Variants in SOX5 observed in about 807,000 individuals in gnomAD.
The protein encoded by SOX5 is SRY-box transcription factor 5.
Under a neutral mutation model 92.0 loss-of-function variants are expected in SOX5, and 9 were observed. The ratio of observed to expected loss-of-function variants is 0.10; its 90% CI spans 0.06 to 0.17. The LOEUF is 0.17. Ranked by LOEUF, SOX5 falls within the 10% of genes least tolerant of loss-of-function variation. The pLI is 1.00. For missense variants in SOX5, 642 were observed against 944.5 expected (o/e 0.68, Z 4.20); for synonymous variants, 344 against 336.3 (o/e 1.02, Z -0.25).
intron 2 of SOX5, among the ~76,000 whole-genome samples, chr12:24,362,172 T>C (rs1422227642): frequency 6.6e-6 from 1 of 152,232 alleles, no homozygotes; most frequent in Non-Finnish European, 1.5e-5. Flanking sequence ...ATATGTATAT[T>C]CTTTCCCATG....
intron 2 of SOX5, among the ~76,000 whole-genome samples, chr12:24,280,119 T>G (rs1944983107): frequency 6.6e-6 from 1 of 152,200 alleles, no homozygotes; most frequent in Non-Finnish European, 1.5e-5. Context: ...TGGACTAATG[T>G]ACCCTAGTGT....
chr12:23,836,908 C>T (rs2096423597), intron 3 of SOX5, among the ~76,000 whole-genome samples: 1 of 151,772 alleles, frequency 6.6e-6, no homozygotes, highest in Non-Finnish European at 1.5e-5. Flanking sequence ...TGATGTTGTT[C>T]CCATTACAGA....
In SOX5 at chr12:23,742,940, G is replaced by A. The variant is rs928103869; in HGVS notation, c.569-1901C>T. Among the ~76,000 whole-genome samples, 3 of 131,408 alleles carry A rather than the reference G, an allele frequency of 2.3e-5. No individual in the cohort carries two copies. The Admixed American group carries it at 2.5e-4, about 11-fold the overall frequency. The allele number at this position is 131,408 out of a possible 152,430, so 86.2% of individuals were successfully genotyped here. A position where few individuals can be genotyped will look rare whatever the true frequency, so the allele number is the denominator to read the frequency against. ...GTCCAGGAATTTGAGGTTGCAGTGA[G>A]ATACACTGCCTAAAAAAAAAAAAAT... On this transcript the variant is annotated intron_variant, in intron 4 of 14. Transcript: ENST00000451604.
intron 4 of SOX5, among the ~76,000 whole-genome samples, chr12:24,053,542 C>G (rs540838277): frequency 4.9e-4 from 74 of 152,216 alleles, no homozygotes; most frequent in Admixed American, 1.9e-3. Context: ...AGAAGAGATC[C>G]TTAACTTTGC....
chr12:23,862,251 G>T (rs1389143429), intron 2 of SOX5, among the ~76,000 whole-genome samples: 1 of 152,146 alleles, frequency 6.6e-6, no homozygotes, highest in African/African-American at 2.4e-5. Context: ...GTCAGTGGAA[G>T]GGAAAAGCTG....
At chr12:23,613,406 C>T (rs776601572) in intron 8 of SOX5, among the ~76,000 whole-genome samples, 33 of 151,506 alleles carry the variant, frequency 2.2e-4, no homozygotes, top group Non-Finnish European at 4.4e-4. Context: ...TTGTATATCG[C>T]TGATGGGACT....
intron 4 of SOX5, among the ~76,000 whole-genome samples, chr12:23,751,553 G>A (rs2094181061): frequency 1.3e-5 from 2 of 151,898 alleles, no homozygotes; most frequent in Admixed American, 1.3e-4. Flanking sequence ...TCAAGCCACT[G>A]ACTGACTCTA....
Position 23,963,295 on chromosome 12 carries a change from A to G in SOX5, c.-1-67271T>C, listed in dbSNP as rs553517433. Reference sequence around the variant, plus strand: ...AGAATATAGGAAATGCTGCCTGAGCATTAGGCTAGTCATGAAAACTCAAAG... The same window carrying G: ...AGAATATAGGAAATGCTGCCTGAGCGTTAGGCTAGTCATGAAAACTCAAAG... On this transcript the variant is annotated intron_variant, in intron 4 of 4. Transcript: ENST00000446891. Among the ~76,000 whole-genome samples the G allele has an allele frequency of 1.7e-4, 26 of 152,330 alleles. 1 individual carries two copies. The East Asian group carries it at 2.9e-3, about 17-fold the overall frequency.
intron 13 of SOX5, among the ~76,000 whole-genome samples, chr12:23,540,536 T>A (rs930638908): frequency 1.3e-5 from 2 of 152,110 alleles, no homozygotes; most frequent in Non-Finnish European, 2.9e-5. Context: ...AATCTGGCAA[T>A]ACACTGAAAG....
chr12:24,281,488 G>A lies in SOX5; in HGVS notation c.-173-4176C>T, dbSNP rs556247850. ...GGTCACCATTTTCTACGGCTGGGCC[G>A]CCCTGCACTATTGATAATTTTATGC... On this transcript the variant is annotated intron_variant, in intron 2 of 4. Transcript: ENST00000446891. Among the ~76,000 whole-genome samples the A allele has an allele frequency of 2.6e-4, 39 of 152,286 alleles. No homozygotes were observed. The East Asian group carries it at 4.8e-3, about 19-fold the overall frequency.
In SOX5 at chr12:24,128,109, C is replaced by T. The variant is rs547664666; in HGVS notation, c.-2+85234G>A. ...GAGGGTTTATTGTTATCTTTTGTTT[C>T]GGTCTCACCTTAATAAACTTTCTCT... On this transcript the variant is annotated intron_variant, in intron 4 of 4. Transcript: ENST00000446891. 7.9e-5 allele frequency among the ~76,000 whole-genome samples: 12 copies of T among 152,296 alleles called. No individual in the cohort carries two copies. In the South Asian group the frequency reaches 1.0e-3, roughly 13 times the overall value.
At chr12:23,667,281 T>C (rs2139469534) in intron 6 of SOX5, among the ~76,000 whole-genome samples, 1 of 152,308 alleles carries the variant, frequency 6.6e-6, no homozygotes, top group South Asian at 2.1e-4. Context: ...CTTGTTATGG[T>C]GGTTTTTATC....
chr12:23,727,758 A>G (rs2093212992), intron 6 of SOX5, among the ~76,000 whole-genome samples: 1 of 152,172 alleles, frequency 6.6e-6, no homozygotes, highest in South Asian at 2.1e-4. Context: ...AAATTTTTTG[A>G]TAGAGAAGTA....
At chr12:24,273,659 T>A (rs1342074033) in intron 3 of SOX5, among the ~76,000 whole-genome samples, 1 of 152,212 alleles carries the variant, frequency 6.6e-6, no homozygotes, top group Non-Finnish European at 1.5e-5. Context: ...TAGTCCTCTT[T>A]GTTGTACGAC....
chr12:24,200,515 C>T (rs917773247), intron 4 of SOX5, among the ~76,000 whole-genome samples: 12 of 150,888 alleles, frequency 8.0e-5, no homozygotes, highest in African/African-American at 2.7e-4. Flanking sequence ...ATTTGATCTA[C>T]GCTGCCGTGA....
chr12:24,067,535 C>A (rs557854915), intron 4 of SOX5, among the ~76,000 whole-genome samples: 2 of 152,078 alleles, frequency 1.3e-5, no homozygotes, highest in South Asian at 2.1e-4. Flanking sequence ...AAGATGATAT[C>A]ATTATTATAG....
chr12:23,950,183 T>TA (rs1390089297), upstream of SOX5, among the ~76,000 whole-genome samples: 2 of 152,052 alleles, frequency 1.3e-5, no homozygotes, highest in Non-Finnish European at 2.9e-5. Context: ...TTAATGTTAG[T>TA]AATAGCATTT....
chr12:24,519,031 A>T (rs1036657867), intron 1 of SOX5, among the ~76,000 whole-genome samples: 9 of 151,704 alleles, frequency 5.9e-5, no homozygotes, highest in African/African-American at 1.7e-4. Flanking sequence ...ATTCTTTTTT[A>T]AAAAAAATCT....
Position 24,364,511 on chromosome 12 carries a change from C to CATATATATATATATAT in SOX5, c.-174+4036_-174+4051dup, listed in dbSNP as rs58135899. On this transcript the variant is annotated intron_variant, in intron 2 of 4. Transcript: ENST00000446891. ...AAAACTGAACAACTTAACATTTTTT[C>CATATATATATATATAT]ATATATATATATATATATATATATA... 4.0e-3 allele frequency among the ~76,000 whole-genome samples: 442 copies of CATATATATATATATAT among 110,394 alleles called. 6 individuals are homozygous for CATATATATATATATAT. The highest frequency in any genetic ancestry group is 0.016 in the East Asian group (57 of 3,580). The allele number at this position is 110,394 out of a possible 152,430, so 72.4% of individuals were successfully genotyped here. A position where few individuals can be genotyped will look rare whatever the true frequency, so the allele number is the denominator to read the frequency against.
Sources: allele counts gnomAD v4.1 joint callset (sites outside exome capture counted in the v4.1 genomes callset), GRCh38; gene constraint gnomAD v4.1.1; transcripts MANE v1.5; gene names NCBI Gene and HGNC (gene_info 2026-07-23, HGNC 2026-07-21).